The following RP1 variants were observed in gnomAD, a reference collection of about 807,000 sequenced individuals.
RP1 encodes RP1 axonemal microtubule associated.
Under a neutral mutation model 14.8 loss-of-function variants are expected in RP1, and 16 were observed. That is an observed-to-expected ratio of 1.08 (90% confidence interval 0.73 to 1.65). The LOEUF (loss-of-function observed/expected upper bound fraction) is 1.65, where lower values mean the gene tolerates loss of function less well. RP1 is among the 40% of genes most tolerant of loss of function. The pLI, the probability that RP1 is intolerant of heterozygous loss-of-function variation, is 0.00. For synonymous variants in RP1, 876 were observed against 883.6 expected, an observed-to-expected ratio of 0.99 and a Z score of 0.15; for missense variants, 2,631 against 2,535.0, an observed-to-expected ratio of 1.04 and a Z score of -0.81.
At chr8:54,683,997 T>G (rs1023814896) in intron 12 of RP1, among the ~76,000 whole-genome samples, 1 of 75,248 alleles carries the variant, frequency 1.3e-5, no homozygotes, top group African/African-American at 5.1e-5. Flanking sequence ...GCTTGAGAGT[T>G]TTTTTTTTTT....
Position 54,630,325 on chromosome 8 carries a change from A to G in RP1, c.6443A>G (p.Glu2148Gly), listed in dbSNP as rs1280748933. The change falls in exon 4 of 4, where the codon GAA (glutamate) becomes GGA (glycine). Residue 2148 changes from glutamate to glycine, a missense_variant. Coordinates refer to ENST00000220676, the MANE Select transcript of RP1 (RefSeq NM_006269.2). ...EEDILNLTDL[E>G]SSREQEDL is the part of the protein sequence containing the mutation. ...GACATATTAAATTTAACTGATCTTG[A>G]AAGCAGTAGAGAACAAGAAGATTTA... The G allele has an allele frequency of 9.3e-6, 15 of 1,613,764 alleles. No homozygotes were observed. Among genetic ancestry groups the G allele is most frequent in the Non-Finnish European group, 1.3e-5 (15 of 1,179,792 alleles).
intron 23 of RP1, among the ~76,000 whole-genome samples, chr8:54,776,452 G>A (rs1348910860): frequency 6.6e-6 from 1 of 152,162 alleles, no homozygotes; most frequent in African/African-American, 2.4e-5. Flanking sequence ...CAAAGCACTG[G>A]GATTACAGAT....
chr8:54,758,776 G>A (rs745500025), intron 21 of RP1: 17 of 714,510 alleles, frequency 2.4e-5, no homozygotes, highest in Non-Finnish European at 2.6e-5. Flanking sequence ...TCACCATATT[G>A]CCCCTTTTGA....
chr8:54,854,723 G>T lies in RP1; in HGVS notation c.3990+1995G>T, dbSNP rs532858751. On this transcript the variant is annotated intron_variant, in intron 26 of 28. Coordinates refer to the RP1 transcript ENST00000637698. The stretch of plus-strand genomic sequence containing the variant: ...TTACTGAAAATACAAAAATTAGCCG[G>T]GCGTGGCGGCAGGCGCCTGTAGTCT... Among the ~76,000 whole-genome samples the T allele has an allele frequency of 7.9e-5, 12 of 152,166 alleles. No individual in the cohort carries two copies. The South Asian group carries it at 2.3e-3, about 29-fold the overall frequency.
At chr8:54,803,810 C>T (rs1291464938) in intron 24 of RP1, among the ~76,000 whole-genome samples, 2 of 152,178 alleles carry the variant, frequency 1.3e-5, no homozygotes, top group African/African-American at 4.8e-5. Flanking sequence ...TGGCTCATGC[C>T]TATAATCCCA....
intron 24 of RP1, among the ~76,000 whole-genome samples, chr8:54,834,523 C>A (rs1276630562): frequency 6.6e-6 from 1 of 151,616 alleles, no homozygotes; most frequent in Non-Finnish European, 1.5e-5. Flanking sequence ...GCCCTTGTAG[C>A]CTTTAAAAAA....
intron 13 of RP1, chr8:54,701,462 G>C (rs766751873): frequency 6.7e-7 from 1 of 1,489,400 alleles, no homozygotes; most frequent in South Asian, 1.3e-5. Flanking sequence ...CTAATTTAGA[G>C]GGTTTTTTTG....
At chr8:54,772,804 A>T (rs541689570), downstream of RP1, among the ~76,000 whole-genome samples, 1 of 152,310 alleles carries the variant, frequency 6.6e-6, no homozygotes, top group East Asian at 1.9e-4. Context: ...TGTGTGTGTG[A>T]GAGAGTATTT....
chr8:54,695,126 G>T (rs1028549535), intron 12 of RP1, among the ~76,000 whole-genome samples: 1 of 151,988 alleles, frequency 6.6e-6, no homozygotes, highest in African/African-American at 2.4e-5. Context: ...GTAGTTGAGC[G>T]GTTTTGAGTG....
Position 54,854,630 on chromosome 8 carries a change from C to G in RP1, c.3990+1902C>G, listed in dbSNP as rs576199768. On this transcript the variant is annotated intron_variant, in intron 26 of 28. Coordinates refer to the RP1 transcript ENST00000637698. ...CTGTAATCCCAGCACTTTGGGAGGC[C>G]GAGGTGGGTGGATCATTTGAGGTCA... is the stretch of plus-strand genomic sequence containing the variant. Among the ~76,000 whole-genome samples the G allele has an allele frequency of 6.9e-4, 105 of 152,140 alleles. No individual in the cohort carries two copies. The Middle Eastern group carries it at 0.01, about 15-fold the overall frequency.
chr8:54,650,697 C>T (rs1307832171), intron 4 of RP1, among the ~76,000 whole-genome samples: 1 of 143,178 alleles, frequency 7.0e-6, no homozygotes, highest in East Asian at 2.2e-4. Context: ...CCTCCCCTCC[C>T]CTCCCCTCCT....
chr8:54,679,635 TTTG>T, intron 11 of RP1: 5 of 1,535,846 alleles, frequency 3.3e-6, no homozygotes, highest in Non-Finnish European at 4.4e-6. Context: ...ACAGTAAGAT[TTTG>T]TTTGGGCTTT....
chr8:54,690,190 A>G (rs916502780), intron 12 of RP1, among the ~76,000 whole-genome samples: 2 of 151,962 alleles, frequency 1.3e-5, no homozygotes, highest in Non-Finnish European at 2.9e-5. Context: ...CCTTGGTACT[A>G]ATGGAATTCC....
chr8:54,595,329 C>A (rs181664005), intron 1 of RP1, among the ~76,000 whole-genome samples: 6 of 152,082 alleles, frequency 3.9e-5, no homozygotes, highest in Non-Finnish European at 5.9e-5. Context: ...CAGGGTTTCA[C>A]TCTGTTAGCC....
intron 22 of RP1, among the ~76,000 whole-genome samples, chr8:54,761,157 T>C (rs1809628660): frequency 6.6e-6 from 1 of 152,142 alleles, no homozygotes; most frequent in African/African-American, 2.4e-5. Flanking sequence ...GTGGGTAATT[T>C]AGATGCAGTC....
intron 14 of RP1, among the ~76,000 whole-genome samples, chr8:54,705,947 A>C (rs757374872): frequency 5.1e-4 from 77 of 151,684 alleles, no homozygotes; most frequent in Non-Finnish European, 7.4e-4. Flanking sequence ...ATTTCTAATT[A>C]ACTCTCAAGA....
At chr8:54,755,653 G>C (rs1809487650) in exon 21 of RP1, 1 of 1,535,926 alleles carries the variant, frequency 6.5e-7, no homozygotes, top group African/African-American at 1.4e-5. Flanking sequence ...ACACTGGGCA[G>C]CTGAAGCATG....
At chr8:54,597,649 T>C (rs536670498) in intron 1 of RP1, among the ~76,000 whole-genome samples, 1 of 152,192 alleles carries the variant, frequency 6.6e-6, no homozygotes, top group African/African-American at 2.4e-5. Context: ...GAAACTCAAG[T>C]TTCCACTAAA....
intron 5 of RP1, among the ~76,000 whole-genome samples, chr8:54,654,505 A>T (rs1406484795): frequency 6.6e-6 from 1 of 152,194 alleles, no homozygotes; most frequent in Non-Finnish European, 1.5e-5. Flanking sequence ...TGCAAACAAT[A>T]ATTTTTCTCA....
Sources: gnomAD v4.1 joint callset for allele counts (sites outside exome capture counted in the v4.1 genomes callset) on GRCh38, gnomAD v4.1.1 for gene constraint, MANE v1.5 for transcripts, NCBI Gene and HGNC (gene_info 2026-07-23, HGNC 2026-07-21) for gene names.